Variants in ELP3 observed in about 807,000 individuals in gnomAD.
ELP3 encodes elongator acetyltransferase complex subunit 3, also known as elongator complex protein 3.
ELP3 carries 56 observed loss-of-function variants against 74.9 expected under a neutral mutation model. The ratio of observed to expected loss-of-function variants is 0.75; its 90% CI spans 0.60 to 0.93. The LOEUF (loss-of-function observed/expected upper bound fraction) is 0.93. ELP3 is among the 40% of genes least tolerant of loss of function. ELP3 has a pLI of 0.00. For synonymous variants in ELP3, 222 were observed against 239.8 expected, an observed-to-expected ratio of 0.93 and a Z score of 0.68; for missense variants, 573 against 686.5, an observed-to-expected ratio of 0.83 and a Z score of 1.85.
intron 2 of ELP3, among the ~76,000 whole-genome samples, chr8:28,098,261 G>C (rs1032180720): frequency 1.3e-5 from 2 of 151,152 alleles, no homozygotes; most frequent in Admixed American, 1.3e-4. Flanking sequence ...CTAATGAAAG[G>C]GTTCTCTCCC....
At chr8:28,117,380 G>A (rs1195628826) in intron 7 of ELP3, among the ~76,000 whole-genome samples, 2 of 152,156 alleles carry the variant, frequency 1.3e-5, no homozygotes, top group African/African-American at 4.8e-5. Flanking sequence ...TCATTGGGTT[G>A]AAAATAGGGT....
intron 3 of ELP3, among the ~76,000 whole-genome samples, chr8:28,101,091 TTTTG>T (rs1811461653): frequency 6.6e-6 from 1 of 151,444 alleles, no homozygotes; most frequent in Non-Finnish European, 1.5e-5. Context: ...ACTTAAGTGT[TTTTG>T]TTTTGTTTTG....
At chr8:28,139,761 A>T (rs920633487) in intron 10 of ELP3, among the ~76,000 whole-genome samples, 3 of 152,176 alleles carry the variant, frequency 2.0e-5, no homozygotes, top group Non-Finnish European at 4.4e-5. Context: ...CCTGGCCAAC[A>T]TGGTGAAACC....
intron 14 of ELP3, among the ~76,000 whole-genome samples, chr8:28,185,171 AGATTTGG>A (rs1815188557): frequency 1.3e-5 from 2 of 152,214 alleles, no homozygotes; most frequent in Non-Finnish European, 2.9e-5. Flanking sequence ...TATTTCTGAA[AGATTTGG>A]GGCAGTTTTT....
chr8:28,185,391 A>G (rs1815196299), intron 14 of ELP3, among the ~76,000 whole-genome samples: 1 of 152,206 alleles, frequency 6.6e-6, no homozygotes, highest in African/African-American at 2.4e-5. Flanking sequence ...TATATACACA[A>G]CATAAGAATA....
chr8:28,137,681 C>T lies in ELP3; in HGVS notation c.907-17C>T. The T allele has an allele frequency of 6.2e-7, 1 of 1,608,122 alleles. No homozygotes were observed. Among genetic ancestry groups the T allele is most frequent in the Non-Finnish European group, 8.5e-7 (1 of 1,177,968 alleles). On this transcript the variant is annotated splice_polypyrimidine_tract_variant and intron_variant, in intron 9 of 14. Coordinates refer to ENST00000256398, the MANE Select transcript of ELP3 (RefSeq NM_018091.6). ...GCATAACTAATGGAGAAGTCATTTT[C>T]TGTTCTCTATTCACAGGAGTTTTTT...
intron 7 of ELP3, among the ~76,000 whole-genome samples, chr8:28,116,354 G>A (rs946770345): frequency 2.6e-5 from 4 of 152,202 alleles, no homozygotes; most frequent in Admixed American, 1.3e-4. Flanking sequence ...TTCTGTGTCC[G>A]TGAATCTGGA....
chr8:28,096,704 A>G (rs1453881116), intron 1 of ELP3, among the ~76,000 whole-genome samples: 1 of 152,236 alleles, frequency 6.6e-6, no homozygotes, highest in Admixed American at 6.5e-5. Context: ...TAAGATTCTT[A>G]GGCAGATACC....
intron 1 of ELP3, 120 bp downstream of exon 1, chr8:28,093,353 C>T: frequency 1.4e-6 from 2 of 1,384,162 alleles, no homozygotes; most frequent in Non-Finnish European, 2.0e-6. Context: ...GTCGCCCCGC[C>T]ACCTAGGGTC....
intron 3 of ELP3, among the ~76,000 whole-genome samples, chr8:28,100,581 CTG>C (rs1384670935): frequency 6.6e-6 from 1 of 152,242 alleles, no homozygotes; most frequent in Non-Finnish European, 1.5e-5. Flanking sequence ...GAGAGTAGGA[CTG>C]TGCGTTGAAC....
At chr8:28,132,140 G>T in intron 8 of ELP3, 138 bp from the exon 9 acceptor site, 1 of 843,462 alleles carries the variant, frequency 1.2e-6, no homozygotes, top group Non-Finnish European at 1.8e-6. Context: ...TATGATTTTG[G>T]TTATGGAACT....
At chr8:28,122,397 C>T (rs1044705541) in intron 7 of ELP3, among the ~76,000 whole-genome samples, 2 of 152,160 alleles carry the variant, frequency 1.3e-5, no homozygotes. Context: ...TAAACGTTTG[C>T]TAGAACTCAC....
intron 14 of ELP3, among the ~76,000 whole-genome samples, chr8:28,174,163 A>G (rs1346454860): frequency 6.6e-6 from 1 of 151,988 alleles, no homozygotes; most frequent in Non-Finnish European, 1.5e-5. Flanking sequence ...CTTTTGTCTT[A>G]ATTTTTTTAT....
intron 14 of ELP3, among the ~76,000 whole-genome samples, chr8:28,182,833 ATTTC>A (rs1815071540): frequency 6.6e-6 from 1 of 152,092 alleles, no homozygotes; most frequent in African/African-American, 2.4e-5. Context: ...AAAGCAGAGG[ATTTC>A]TTTCTCATCA....
At chr8:28,171,402 G>A (rs1312482172) in intron 14 of ELP3, among the ~76,000 whole-genome samples, 2 of 151,948 alleles carry the variant, frequency 1.3e-5, no homozygotes, top group African/African-American at 4.8e-5. Context: ...CATTCTGTGG[G>A]AGGTTTGACT....
In ELP3 at chr8:28,189,681, G is replaced by A. The variant is rs1013927227; in HGVS notation, c.1600G>A (p.Gly534Ser). Residue 534 changes from glycine to serine, a missense_variant, in exon 15 of 15, where the codon GGC (glycine) becomes AGC (serine). Transcript: ENST00000256398. ...CACCAGGAATTATTATAGAAAGATC[G>A]GCTACAGATTACAAGGCCCGTACAT... is the stretch of plus-strand genomic sequence containing the variant. The part of the protein sequence containing the change: ...VGTRNYYRKI[G>S]YRLQGPYMVK... 12 of 1,613,880 alleles carry A rather than the reference G, an allele frequency of 7.4e-6. No homozygotes were observed. The highest frequency in any genetic ancestry group is 6.7e-5 in the African/African-American group (5 of 74,876).
intron 7 of ELP3, among the ~76,000 whole-genome samples, chr8:28,119,267 T>C (rs1225248369): frequency 4.6e-5 from 7 of 152,176 alleles, no homozygotes; most frequent in East Asian, 1.9e-4. Flanking sequence ...AGAGTTGATA[T>C]GGTTTTTCTT....
chr8:28,138,009 A>G, intron 10 of ELP3, 118 bp downstream of exon 10: 1 of 918,332 alleles, frequency 1.1e-6, no homozygotes, highest in Non-Finnish European at 1.6e-6. Flanking sequence ...AAATAAGATA[A>G]CTGGAATGCT....
upstream of ELP3, chr8:28,093,063 C>T: frequency 7.7e-7 from 1 of 1,301,972 alleles, no homozygotes; most frequent in Non-Finnish European, 1.1e-6. Context: ...CGGGGCGTGG[C>T]TTTGTGCACG....
Sources: gnomAD v4.1 joint callset for allele counts (sites outside exome capture counted in the v4.1 genomes callset) on GRCh38, gnomAD v4.1.1 for gene constraint, MANE v1.5 for transcripts, NCBI Gene and HGNC (gene_info 2026-07-23, HGNC 2026-07-21) for gene names.